NALF1: variants seen among roughly 807,000 people sequenced by gnomAD.
NALF1 encodes the protein family with sequence similarity 155 member A.
In NALF1, 3 loss-of-function variants were observed where a neutral mutation model predicts 48.4. The ratio of observed to expected loss-of-function variants is 0.06; its 90% CI spans 0.03 to 0.16. The LOEUF (loss-of-function observed/expected upper bound fraction) is 0.16, where lower values mean the gene tolerates loss of function less well. Among genes scored for constraint, NALF1 ranks in the 10% least tolerant of loss-of-function variants. NALF1 has a pLI of 1.00. For missense variants in NALF1, 526 were observed against 571.5 expected (o/e 0.92, Z 0.81); for synonymous variants, 262 against 245.7 (o/e 1.07, Z -0.62).
At chr13:107,320,447 T>C (rs1882232571) in intron 1 of NALF1, among the ~76,000 whole-genome samples, 1 of 152,134 alleles carries the variant, frequency 6.6e-6, no homozygotes, top group Non-Finnish European at 1.5e-5. Flanking sequence ...TTCCAAATCT[T>C]TGACTCATTT....
rs12870851 is a variant in NALF1 at position 107,678,145 on chromosome 13, G to A, written c.915+187537C>T. On this transcript the variant is annotated intron_variant, in intron 1 of 2. Transcript: ENST00000375915. Reference sequence around the variant, plus strand: ...AAATTATCCTGGCTAGACTATTTGCGAAGTCAGTGACCTTCTTTGAAGTAT... The same window carrying A: ...AAATTATCCTGGCTAGACTATTTGCAAAGTCAGTGACCTTCTTTGAAGTAT... Among the ~76,000 whole-genome samples, 876 of 152,184 alleles carry A rather than the reference G, an allele frequency of 5.8e-3. 3 individuals are homozygous for A. The highest frequency in any genetic ancestry group is 0.048 in the Middle Eastern group (14 of 294).
At chr13:107,471,532 T>C (rs1885100824) in intron 1 of NALF1, among the ~76,000 whole-genome samples, 1 of 152,282 alleles carries the variant, frequency 6.6e-6, no homozygotes, top group African/African-American at 2.4e-5. Flanking sequence ...GAAAGTGCCA[T>C]GGCGTGGATA....
At chr13:107,376,137 A>G (rs920320508) in intron 1 of NALF1, among the ~76,000 whole-genome samples, 2 of 152,122 alleles carry the variant, frequency 1.3e-5, no homozygotes, top group African/African-American at 4.8e-5. Flanking sequence ...GGAAGGAAAT[A>G]AGGCCTCCTG....
chr13:107,404,780 A>C (rs1205658273), intron 1 of NALF1, among the ~76,000 whole-genome samples: 2 of 152,076 alleles, frequency 1.3e-5, no homozygotes, highest in Non-Finnish European at 2.9e-5. Flanking sequence ...TTTTTCATCA[A>C]TATTGGGTGA....
At chr13:107,853,192 C>T (rs1880360968) in intron 1 of NALF1, among the ~76,000 whole-genome samples, 1 of 152,088 alleles carries the variant, frequency 6.6e-6, no homozygotes, top group South Asian at 2.1e-4. Context: ...AAAAGAAATG[C>T]AAATTTGCAC....
At chr13:107,765,918 G>A (rs1413691142) in intron 1 of NALF1, among the ~76,000 whole-genome samples, 1 of 152,154 alleles carries the variant, frequency 6.6e-6, no homozygotes, top group African/African-American at 2.4e-5. Context: ...CCTTTAGGGT[G>A]TAATCAACTA....
chr13:107,254,067 A>G (rs766910023), intron 1 of NALF1, among the ~76,000 whole-genome samples: 3 of 150,762 alleles, frequency 2.0e-5, no homozygotes, highest in Non-Finnish European at 4.4e-5. Flanking sequence ...ACTAAAATAT[A>G]TATATATATA....
chr13:107,316,584 G>T lies in NALF1; in HGVS notation c.916-105829C>A, dbSNP rs1882154566. ...GTTGTTTCCTGACTTTTTAATGATGGCCATTCTAACTGGTGTGAGATGGTA... is the reference window on the plus strand; with the variant it reads ...GTTGTTTCCTGACTTTTTAATGATGTCCATTCTAACTGGTGTGAGATGGTA... On this transcript the variant is annotated intron_variant, in intron 1 of 2. Transcript: ENST00000375915. 3.3e-5 allele frequency among the ~76,000 whole-genome samples: 5 copies of T among 152,078 alleles called. No individual in the cohort carries two copies. The South Asian group carries it at 1.0e-3, about 32-fold the overall frequency.
At chr13:107,492,484 T>C (rs756963629) in intron 1 of NALF1, among the ~76,000 whole-genome samples, 1 of 152,184 alleles carries the variant, frequency 6.6e-6, no homozygotes, top group South Asian at 2.1e-4. Flanking sequence ...AGCTTCCTTA[T>C]ATTCCTTACA....
chr13:107,404,159 T>C (rs901249064), intron 1 of NALF1, among the ~76,000 whole-genome samples: 1 of 152,160 alleles, frequency 6.6e-6, no homozygotes, highest in African/African-American at 2.4e-5. Context: ...GGGATCAAAA[T>C]AGTCGCTTTA....
At chr13:107,282,974 G>A (rs189585327) in intron 1 of NALF1, among the ~76,000 whole-genome samples, 3 of 152,216 alleles carry the variant, frequency 2.0e-5, no homozygotes, top group African/African-American at 7.2e-5. Flanking sequence ...AGTTATACTC[G>A]TCAGATTACA....
At chr13:107,844,429 C>T (rs1256071004) in intron 1 of NALF1, among the ~76,000 whole-genome samples, 2 of 152,064 alleles carry the variant, frequency 1.3e-5, no homozygotes, top group African/African-American at 4.8e-5. Context: ...AGATATACTT[C>T]AATGAAGTTT....
At chr13:107,187,026 C>A (rs1879189172) in intron 2 of NALF1, among the ~76,000 whole-genome samples, 1 of 152,144 alleles carries the variant, frequency 6.6e-6, no homozygotes, top group Non-Finnish European at 1.5e-5. Flanking sequence ...TGTCTCCTTC[C>A]TCCATCTTAA....
chr13:107,187,656 C>T (rs1352735747), intron 2 of NALF1, among the ~76,000 whole-genome samples: 1 of 152,188 alleles, frequency 6.6e-6, no homozygotes, highest in African/African-American at 2.4e-5. Context: ...CCGGGCAGCT[C>T]AGATGCCTGC....
At chr13:107,351,405 GT>G (rs774830471) in intron 1 of NALF1, among the ~76,000 whole-genome samples, 3 of 152,182 alleles carry the variant, frequency 2.0e-5, no homozygotes, top group Admixed American at 6.5e-5. Flanking sequence ...GATAAGACCT[GT>G]TTCCCAGGAC....
chr13:107,577,158 G>A (rs775334011), intron 1 of NALF1, among the ~76,000 whole-genome samples: 32 of 152,076 alleles, frequency 2.1e-4, no homozygotes, highest in African/African-American at 4.1e-4. Context: ...CATTGACATC[G>A]TCCAGTTCCA....
At chr13:107,292,397 C>T (rs1025854534) in intron 1 of NALF1, among the ~76,000 whole-genome samples, 1 of 152,168 alleles carries the variant, frequency 6.6e-6, no homozygotes, top group African/African-American at 2.4e-5. Flanking sequence ...TTTGTAATAA[C>T]ACTTGGCTTA....
At chr13:107,743,607 T>C (rs1448582146) in intron 1 of NALF1, among the ~76,000 whole-genome samples, 1 of 152,188 alleles carries the variant, frequency 6.6e-6, no homozygotes, top group African/African-American at 2.4e-5. Context: ...TTGCTACAGT[T>C]TACACCTCAC....
intron 2 of NALF1, among the ~76,000 whole-genome samples, chr13:107,176,167 C>T (rs995680112): frequency 6.6e-5 from 10 of 152,146 alleles, no homozygotes; most frequent in African/African-American, 1.7e-4. Flanking sequence ...CAAACAAGTA[C>T]AATTGCACTA....
Sources: allele counts gnomAD v4.1 joint callset (sites outside exome capture counted in the v4.1 genomes callset), GRCh38; gene constraint gnomAD v4.1.1; transcripts MANE v1.5; gene names NCBI Gene and HGNC (gene_info 2026-07-23, HGNC 2026-07-21).